TRABD2B: variants seen among roughly 807,000 people sequenced by gnomAD.
TRABD2B encodes the protein TraB domain containing 2B, also known as metalloprotease TIKI2.
Under a neutral mutation model 40.1 loss-of-function variants are expected in TRABD2B, and 14 were observed. That is an observed-to-expected ratio of 0.35 (90% CI 0.23 to 0.55). The LOEUF is 0.55. Among genes scored for constraint, TRABD2B ranks in the 20% least tolerant of loss-of-function variants. TRABD2B has a pLI of 0.90. For synonymous variants in TRABD2B, 263 were observed against 277.0 expected, an observed-to-expected ratio of 0.95 and a Z score of 0.50; for missense variants, 541 against 648.6, an observed-to-expected ratio of 0.83 and a Z score of 1.80.
chr1:47,779,563 C>T (rs916062418), intron 4 of TRABD2B, among the ~76,000 whole-genome samples: 8 of 152,202 alleles, frequency 5.3e-5, no homozygotes, highest in Admixed American at 5.2e-4. Context: ...CTCTCCTGGG[C>T]TCTGGTTGGG....
In TRABD2B at chr1:47,794,775, C is replaced by T; in HGVS notation, c.814-15G>A. The T allele has an allele frequency of 1.4e-6, 2 of 1,426,944 alleles. No individual in the cohort carries two copies. Among genetic ancestry groups the T allele is most frequent in the Non-Finnish European group, 1.8e-6 (2 of 1,081,684 alleles). The allele number at this position is 1,426,944 out of a possible 1,614,324, so 88.4% of individuals were successfully genotyped here. On this transcript the variant is annotated splice_polypyrimidine_tract_variant and intron_variant, in intron 3 of 6. Coordinates refer to ENST00000606738, the MANE Select transcript of TRABD2B (RefSeq NM_001194986.2). ...AAGTTGGGCAGCTGCAAAGGCAAGA[C>T]AGAGGCTGCCTTCAGTTTTTTTTTT...
intron 2 of TRABD2B, among the ~76,000 whole-genome samples, chr1:47,856,540 T>C (rs1643892057): frequency 6.6e-6 from 1 of 152,196 alleles, no homozygotes; most frequent in South Asian, 2.1e-4. Context: ...AGTCCCTGAT[T>C]CTAGGACCAG....
chr1:47,884,941 G>A (rs757453378), intron 2 of TRABD2B, among the ~76,000 whole-genome samples: 21 of 152,050 alleles, frequency 1.4e-4, no homozygotes, highest in African/African-American at 2.7e-4. Flanking sequence ...AACTACAAAC[G>A]TTATCATGGC....
chr1:47,803,112 G>A (rs1644845035), intron 2 of TRABD2B, among the ~76,000 whole-genome samples: 1 of 152,146 alleles, frequency 6.6e-6, no homozygotes. Context: ...AGACTTAGCT[G>A]TCCAGACTCT....
chr1:47,805,009 T>C (rs1370689499), intron 2 of TRABD2B, among the ~76,000 whole-genome samples: 1 of 152,202 alleles, frequency 6.6e-6, no homozygotes, highest in African/African-American at 2.4e-5. Flanking sequence ...ACAGGTACCC[T>C]GGAGCCTAGT....
chr1:47,978,973 G>A (rs925494350), intron 2 of TRABD2B, among the ~76,000 whole-genome samples: 3 of 152,136 alleles, frequency 2.0e-5, no homozygotes, highest in Non-Finnish European at 4.4e-5. Context: ...CCACCCACAG[G>A]GTGGTCCAGT....
At chr1:47,817,369 C>A (rs1442509141) in intron 2 of TRABD2B, among the ~76,000 whole-genome samples, 1 of 152,090 alleles carries the variant, frequency 6.6e-6, no homozygotes, top group Admixed American at 6.5e-5. Flanking sequence ...GCAAAAGCAA[C>A]AGAACCTCGG....
intron 2 of TRABD2B, among the ~76,000 whole-genome samples, chr1:47,934,738 C>G (rs1645084193): frequency 6.6e-6 from 1 of 152,166 alleles, no homozygotes; most frequent in African/African-American, 2.4e-5. Context: ...GCCACATTTA[C>G]AAGGGAGGAG....
At chr1:47,921,382 A>T (rs1288937391) in intron 2 of TRABD2B, among the ~76,000 whole-genome samples, 1 of 152,200 alleles carries the variant, frequency 6.6e-6, no homozygotes, top group Admixed American at 6.5e-5. Context: ...CGGGCAGAGC[A>T]GAAGCTTCCC....
chr1:47,909,667 T>C (rs1644731060), intron 2 of TRABD2B, among the ~76,000 whole-genome samples: 1 of 150,048 alleles, frequency 6.7e-6, no homozygotes, highest in South Asian at 2.1e-4. Context: ...CTCATTATCA[T>C]GGGGAGGGCA....
chr1:47,826,645 C>T (rs1645179502), intron 2 of TRABD2B, among the ~76,000 whole-genome samples: 1 of 152,096 alleles, frequency 6.6e-6, no homozygotes, highest in South Asian at 2.1e-4. Flanking sequence ...GTGATCATAA[C>T]TCACTGCAGC....
chr1:47,804,412 C>T (rs1273376813), intron 2 of TRABD2B, among the ~76,000 whole-genome samples: 1 of 152,214 alleles, frequency 6.6e-6, no homozygotes. Flanking sequence ...ATCCGCTCTC[C>T]TTCCCTGGGG....
intron 2 of TRABD2B, among the ~76,000 whole-genome samples, chr1:47,889,688 G>A (rs1030638909): frequency 6.6e-6 from 1 of 152,196 alleles, no homozygotes; most frequent in Non-Finnish European, 1.5e-5. Flanking sequence ...TTACTCTCCA[G>A]GTATCTAGAA....
At chr1:47,911,877 C>T (rs367619852) in intron 2 of TRABD2B, among the ~76,000 whole-genome samples, 12 of 152,198 alleles carry the variant, frequency 7.9e-5, no homozygotes, top group Non-Finnish European at 1.8e-4. Flanking sequence ...TTGTGTGACA[C>T]GCAGGTTTCA....
chr1:47,856,639 A>T (rs774756039), intron 2 of TRABD2B, among the ~76,000 whole-genome samples: 2 of 151,940 alleles, frequency 1.3e-5, no homozygotes, highest in African/African-American at 4.8e-5. Context: ...GGACCACTTC[A>T]CTCCAACCAT....
chr1:47,848,480 C>T (rs1645502340), intron 2 of TRABD2B, among the ~76,000 whole-genome samples: 1 of 152,176 alleles, frequency 6.6e-6, no homozygotes, highest in Non-Finnish European at 1.5e-5. Flanking sequence ...AATGTAGTCA[C>T]AGTCATCATA....
In TRABD2B at chr1:47,967,336, A is replaced by AACACAC. The variant is rs56776440; in HGVS notation, c.666+26692_666+26697dup. Among the ~76,000 whole-genome samples the AACACAC allele has an allele frequency of 2.7e-3, 393 of 147,372 alleles. 1 individual carries two copies. The highest frequency in any genetic ancestry group is 9.3e-3 in the African/African-American group (372 of 39,952). The stretch of plus-strand genomic sequence containing the variant: ...ATGAGTGTATGTGAATAAGCAAGAA[A>AACACAC]ACACACACACACACACACACACACA... On this transcript the variant is annotated intron_variant, in intron 2 of 6. Transcript: ENST00000606738.
chr1:47,865,189 C>T (rs1204381922), intron 2 of TRABD2B, among the ~76,000 whole-genome samples: 2 of 152,166 alleles, frequency 1.3e-5, no homozygotes, highest in African/African-American at 2.4e-5. Context: ...GAGGTCATTG[C>T]CCATTTCTGC....
At chr1:47,791,565 C>T (rs1374686181) in intron 4 of TRABD2B, among the ~76,000 whole-genome samples, 1 of 152,060 alleles carries the variant, frequency 6.6e-6, no homozygotes, top group Non-Finnish European at 1.5e-5. Context: ...CCACTGAGTC[C>T]CAGGGTCCCC....
Sources: allele counts gnomAD v4.1 joint callset (sites outside exome capture counted in the v4.1 genomes callset), GRCh38; gene constraint gnomAD v4.1.1; transcripts MANE v1.5; gene names NCBI Gene and HGNC (gene_info 2026-07-23, HGNC 2026-07-21).